Variants in SEC14L1 observed in about 807,000 individuals in gnomAD.
SEC14L1 encodes the protein SEC14-like protein 1.
Under a neutral mutation model 85.3 loss-of-function variants are expected in SEC14L1, and 48 were observed. The ratio of observed to expected loss-of-function variants is 0.56; its 90% CI spans 0.45 to 0.72. The LOEUF is 0.72. SEC14L1 is among the 30% of genes least tolerant of loss of function. The pLI, the probability that SEC14L1 is intolerant of heterozygous loss-of-function variation, is 0.00. For missense variants in SEC14L1, 682 were observed against 921.4 expected, an observed-to-expected ratio of 0.74 and a Z score of 3.36; for synonymous variants, 391 against 355.5, an observed-to-expected ratio of 1.10 and a Z score of -1.12.
chr17:77,160,678 A>ACT (rs1388641493), intron 3 of SEC14L1, among the ~76,000 whole-genome samples: 1 of 152,094 alleles, frequency 6.6e-6, no homozygotes, highest in African/African-American at 2.4e-5. Context: ...TTTTTTTCTA[A>ACT]CTAGTGTCTT....
intron 3 of SEC14L1, among the ~76,000 whole-genome samples, chr17:77,111,535 G>A (rs917051481): frequency 3.3e-5 from 5 of 152,128 alleles, no homozygotes; most frequent in Admixed American, 6.6e-5. Context: ...AAGCCACAGG[G>A]ATGGAGCTGC....
chr17:77,091,680 C>T (rs886561086), intron 2 of SEC14L1, among the ~76,000 whole-genome samples: 1 of 152,120 alleles, frequency 6.6e-6, no homozygotes, highest in African/African-American at 2.4e-5. Context: ...TTCCGGGAGT[C>T]GTGGCACACA....
chr17:77,200,467 T>C lies in SEC14L1; in HGVS notation c.820-17T>C. On this transcript the variant is annotated splice_polypyrimidine_tract_variant and intron_variant, in intron 8 of 16. Coordinates refer to ENST00000436233, the MANE Select transcript of SEC14L1 (RefSeq NM_001143998.2). ...CAACTTTTAACATTGCTTAGAAATG[T>C]CTTTTTCTCTTAATAGATTCCAAAA... 1 of 1,607,402 alleles carries C rather than the reference T, an allele frequency of 6.2e-7. No individual in the cohort carries two copies. The highest frequency in any genetic ancestry group is 8.5e-7 in the Non-Finnish European group (1 of 1,175,658).
intron 3 of SEC14L1, among the ~76,000 whole-genome samples, chr17:77,178,283 G>C (rs1253612949): frequency 6.6e-6 from 1 of 152,076 alleles, no homozygotes; most frequent in Non-Finnish European, 1.5e-5. Context: ...CCAGAATAGA[G>C]TCAAACACAG....
At chr17:77,192,873 G>A (rs1567922204) in intron 5 of SEC14L1, among the ~76,000 whole-genome samples, 2 of 152,228 alleles carry the variant, frequency 1.3e-5, no homozygotes, top group Admixed American at 1.3e-4. Context: ...TGTTGCCCAG[G>A]CTGGTCTCAA....
intron 7 of SEC14L1, among the ~76,000 whole-genome samples, chr17:77,195,929 A>T (rs907688861): frequency 6.6e-6 from 1 of 152,220 alleles, no homozygotes; most frequent in Admixed American, 6.5e-5. Flanking sequence ...TATTATAGTC[A>T]TGAATAGTAT....
intron 3 of SEC14L1, among the ~76,000 whole-genome samples, chr17:77,117,722 G>C (rs1415629249): frequency 6.6e-6 from 1 of 152,186 alleles, no homozygotes; most frequent in Non-Finnish European, 1.5e-5. Context: ...CAATGAAGTT[G>C]GGCAAAGGGG....
At position 77,215,591 on chromosome 17, in the gene SEC14L1, G is replaced by GC; in HGVS notation, c.*1570dup. 2.0e-6 allele frequency: 2 copies of GC among 988,028 alleles called. No individual in the cohort carries two copies. The highest frequency in any genetic ancestry group is 2.4e-6 in the Non-Finnish European group (2 of 831,056). The allele number at this position is 988,028 out of a possible 1,614,324, so 61.2% of individuals were successfully genotyped here. On this transcript the variant is annotated 3_prime_UTR_variant, in exon 17 of 17. Coordinates refer to ENST00000436233, the MANE Select transcript of SEC14L1 (RefSeq NM_001143998.2). ...CCCGGTCGGGTCAGCCCTAGTGGCT[G>GC]CCTGCACACTGTAGACGTCCCAGGG...
upstream of SEC14L1, among the ~76,000 whole-genome samples, chr17:77,139,642 C>T (rs546728884): frequency 3.3e-5 from 5 of 151,984 alleles, 1 homozygote; most frequent in African/African-American, 1.2e-4. Context: ...GGACTACAGG[C>T]GCCCGCCACC....
intron 3 of SEC14L1, among the ~76,000 whole-genome samples, chr17:77,119,928 T>C (rs1972256629): frequency 6.6e-6 from 1 of 152,172 alleles, no homozygotes; most frequent in African/African-American, 2.4e-5. Flanking sequence ...AATCTGACCT[T>C]TGGGACATTC....
intron 3 of SEC14L1, 49 bp downstream of exon 3, chr17:77,143,708 T>C: frequency 7.5e-7 from 1 of 1,335,974 alleles, no homozygotes; most frequent in Non-Finnish European, 1.1e-6. Flanking sequence ...ATTTATAAAG[T>C]ACAGTGTTAG....
chr17:77,174,553 T>C (rs1432642206), intron 3 of SEC14L1, among the ~76,000 whole-genome samples: 1 of 152,190 alleles, frequency 6.6e-6, no homozygotes, highest in Non-Finnish European at 1.5e-5. Flanking sequence ...ACCTGGTCAC[T>C]GTGGTATTTG....
chr17:77,215,118 T>TG lies in SEC14L1; in HGVS notation c.*1101dup. ...CATGTGTGCATGACGGTGGGGGTGC[T>TG]GGGGGGACGGGGTGAGTGGAAACTT... On this transcript the variant is annotated 3_prime_UTR_variant, in exon 17 of 17. Transcript: ENST00000436233. 1 of 985,350 alleles carries TG rather than the reference T, an allele frequency of 1.0e-6. No homozygotes were observed. Among genetic ancestry groups the TG allele is most frequent in the Non-Finnish European group, 1.2e-6 (1 of 829,966 alleles). The allele number at this position is 985,350 out of a possible 1,614,324, so 61.0% of individuals were successfully genotyped here. A position where few individuals can be genotyped will look rare whatever the true frequency, so the allele number is the denominator to read the frequency against.
At chr17:77,117,216 A>G (rs1336794089) in intron 3 of SEC14L1, among the ~76,000 whole-genome samples, 1 of 152,236 alleles carries the variant, frequency 6.6e-6, no homozygotes, top group African/African-American at 2.4e-5. Flanking sequence ...GCATGGTGAC[A>G]CATGCCTATA....
chr17:77,200,794 C>G lies in SEC14L1; in HGVS notation c.1009+121C>G. On this transcript the variant is annotated intron_variant, in intron 9 of 16. Coordinates refer to ENST00000436233, the MANE Select transcript of SEC14L1 (RefSeq NM_001143998.2). ...CCCTTGAGTGCATCGTTTCTCCTCA[C>G]TCTGAGAATTTGGCACCTTTCCCAA... The G allele has an allele frequency of 3.2e-6, 3 of 934,396 alleles. No homozygotes were observed. In the South Asian group the frequency reaches 5.1e-5, roughly 16 times the overall value. The allele number at this position is 934,396 out of a possible 1,614,324, so 57.9% of individuals were successfully genotyped here.
intron 3 of SEC14L1, among the ~76,000 whole-genome samples, chr17:77,100,722 C>CCACCG (rs1432143537): frequency 8.5e-5 from 13 of 152,076 alleles, no homozygotes; most frequent in Non-Finnish European, 1.3e-4. Context: ...CAGGAGTGAG[C>CCACCG]CACCGCGCCC....
At chr17:77,176,516 T>C (rs1185503177) in intron 3 of SEC14L1, among the ~76,000 whole-genome samples, 1 of 152,242 alleles carries the variant, frequency 6.6e-6, no homozygotes, top group Non-Finnish European at 1.5e-5. Context: ...TTTGTTAAAA[T>C]TGATGAACTA....
intron 3 of SEC14L1, among the ~76,000 whole-genome samples, chr17:77,175,299 G>T (rs1974702041): frequency 6.6e-6 from 1 of 152,222 alleles, no homozygotes; most frequent in Non-Finnish European, 1.5e-5. Flanking sequence ...AGGCCCAGCA[G>T]ATTCACACCC....
At chr17:77,183,790 AGACAGTT>A (rs1975147211) in intron 3 of SEC14L1, among the ~76,000 whole-genome samples, 1 of 152,036 alleles carries the variant, frequency 6.6e-6, no homozygotes, top group Non-Finnish European at 1.5e-5. Context: ...CCTTTATTCT[AGACAGTT>A]CCTTGCTGCT....
Sources: allele counts gnomAD v4.1 joint callset (sites outside exome capture counted in the v4.1 genomes callset), GRCh38; gene constraint gnomAD v4.1.1; transcripts MANE v1.5; gene names NCBI Gene and HGNC (gene_info 2026-07-23, HGNC 2026-07-21).